The following ARHGEF10 variants were observed in gnomAD, a reference collection of about 807,000 sequenced individuals.
ARHGEF10 encodes Rho guanine nucleotide exchange factor 10.
ARHGEF10 carries 140 observed loss-of-function variants against 147.4 expected under a neutral mutation model. The observed-to-expected ratio is 0.95, with a 90% CI of 0.83 to 1.09. The LOEUF (loss-of-function observed/expected upper bound fraction) is 1.09, where lower values mean the gene tolerates loss of function less well. Among genes scored for constraint, ARHGEF10 ranks in the 50% least tolerant of loss-of-function variants. The probability of loss-of-function intolerance (pLI) is 0.00; values close to 1 mark genes in which losing one functional copy is unlikely to be tolerated. For missense variants in ARHGEF10, 2,222 were observed against 1,752.7 expected (o/e 1.27, Z -4.78); for synonymous variants, 902 against 695.8 (o/e 1.30, Z -4.67).
intron 4 of ARHGEF10, among the ~76,000 whole-genome samples, chr8:1,863,297 C>G (rs1231595209): frequency 6.6e-6 from 1 of 152,224 alleles, no homozygotes; most frequent in African/African-American, 2.4e-5. Context: ...GTGTCTGTTG[C>G]TAGTCAGCAT....
chr8:1,843,249 G>C, intron 1 of ARHGEF10, 104 bp from the exon 2 acceptor site: 1 of 803,472 alleles, frequency 1.2e-6, no homozygotes, highest in Non-Finnish European at 2.1e-6. Context: ...AGTAATGACA[G>C]TTAGCTCTTC....
chr8:1,944,194 G>A (rs1234133951), intron 26 of ARHGEF10, among the ~76,000 whole-genome samples: 4 of 149,958 alleles, frequency 2.7e-5, no homozygotes, highest in Admixed American at 2.6e-4. Flanking sequence ...CTACCTCCCT[G>A]GGGACCCCAG....
chr8:1,930,419 T>G (rs540539246), intron 25 of ARHGEF10, among the ~76,000 whole-genome samples: 1 of 152,332 alleles, frequency 6.6e-6, no homozygotes, highest in Non-Finnish European at 1.5e-5. Flanking sequence ...GCCTTCATTC[T>G]TCCGCTTCTA....
intron 26 of ARHGEF10, among the ~76,000 whole-genome samples, chr8:1,936,948 G>A (rs1813663543): frequency 6.6e-6 from 1 of 152,144 alleles, no homozygotes; most frequent in Non-Finnish European, 1.5e-5. Context: ...GGTTTGGTTA[G>A]GAATGCGAGG....
intron 16 of ARHGEF10, among the ~76,000 whole-genome samples, chr8:1,905,255 T>A (rs936339199): frequency 9.1e-5 from 8 of 87,650 alleles, no homozygotes; most frequent in African/African-American, 5.5e-4. Context: ...ATGGCCTACC[T>A]TTAAGAAGTT....
rs1210861470 is a variant in ARHGEF10, at chr8:1,833,188, A to G, written c.-48+9075A>G. 8.5e-5 allele frequency among the ~76,000 whole-genome samples: 4 copies of G among 47,022 alleles called. No homozygotes were observed. In the South Asian group the frequency reaches 2.1e-3, roughly 25 times the overall value. 30.8% of individuals were successfully genotyped at this position (47,022 alleles called of 152,430 possible). A position where few individuals can be genotyped will look rare whatever the true frequency, so the allele number is the denominator to read the frequency against. On this transcript the variant is annotated intron_variant, in intron 1 of 28. Coordinates refer to ENST00000349830, the MANE Select transcript of ARHGEF10 (RefSeq NM_014629.4). ...GAGACAGAAGCAGAGGGAGGCAGAGACAGAAGCAGAGACAGAGGCAGAGGC... is the reference window on the plus strand; with the variant it reads ...GAGACAGAAGCAGAGGGAGGCAGAGGCAGAAGCAGAGACAGAGGCAGAGGC...
intron 18 of ARHGEF10, among the ~76,000 whole-genome samples, chr8:1,915,350 A>G (rs1378036048): frequency 6.6e-6 from 1 of 152,238 alleles, no homozygotes; most frequent in Non-Finnish European, 1.5e-5. Context: ...AAATGTGTCC[A>G]TGAGTTATTC....
intron 26 of ARHGEF10, among the ~76,000 whole-genome samples, chr8:1,944,284 C>A (rs1035215982): frequency 6.6e-6 from 1 of 152,210 alleles, no homozygotes; most frequent in Non-Finnish European, 1.5e-5. Flanking sequence ...GCCCTGCGTG[C>A]CCAGCCTGAG....
intron 15 of ARHGEF10, among the ~76,000 whole-genome samples, chr8:1,901,475 A>C (rs1351655570): frequency 6.6e-6 from 1 of 152,166 alleles, no homozygotes; most frequent in Non-Finnish European, 1.5e-5. Flanking sequence ...TCTCCCATGG[A>C]TCCAGAAACA....
intron 8 of ARHGEF10, among the ~76,000 whole-genome samples, chr8:1,877,499 A>G (rs1286778324): frequency 6.6e-6 from 1 of 152,202 alleles, no homozygotes; most frequent in Non-Finnish European, 1.5e-5. Context: ...AAGTGCTGGG[A>G]TTGCAGGTGT....
At chr8:1,858,895 CGGTTGTT>C (rs1805832662) in intron 3 of ARHGEF10, 6 of 178,106 alleles carry the variant, frequency 3.4e-5, no homozygotes, top group South Asian at 1.9e-4. Context: ...ACCAGCCTCT[CGGTTGTT>C]TGCATGCCGT....
At chr8:1,893,149 A>G (rs867676820) in intron 11 of ARHGEF10, among the ~76,000 whole-genome samples, 18 of 151,812 alleles carry the variant, frequency 1.2e-4, no homozygotes, top group Admixed American at 5.9e-4. Context: ...TTTTCTTAGA[A>G]CTTTGGAATA....
At chr8:1,899,606 A>G (rs773448899) in intron 15 of ARHGEF10, among the ~76,000 whole-genome samples, 2 of 152,198 alleles carry the variant, frequency 1.3e-5, no homozygotes, top group African/African-American at 4.8e-5. Context: ...GGCTCTTTCC[A>G]TGGTTAGGTT....
intron 18 of ARHGEF10, among the ~76,000 whole-genome samples, chr8:1,912,763 T>A (rs998318969): frequency 6.6e-6 from 1 of 152,076 alleles, no homozygotes; most frequent in African/African-American, 2.4e-5. Flanking sequence ...TATGGATCCA[T>A]GGATTGGTTT....
At chr8:1,883,255 A>G (rs1808371608) in intron 10 of ARHGEF10, among the ~76,000 whole-genome samples, 1 of 152,036 alleles carries the variant, frequency 6.6e-6, no homozygotes, top group Non-Finnish European at 1.5e-5. Flanking sequence ...GGTGGTGTGG[A>G]GGTGTCGTGC....
intron 21 of ARHGEF10, among the ~76,000 whole-genome samples, chr8:1,924,787 T>C (rs771188936): frequency 3.3e-5 from 5 of 152,258 alleles, no homozygotes; most frequent in Non-Finnish European, 5.9e-5. Context: ...CCCTTTCGTC[T>C]TCAGATCAGC....
chr8:1,905,436 G>A, intron 16 of ARHGEF10, 135 bp from the exon 17 acceptor site: 2 of 1,101,978 alleles, frequency 1.8e-6, no homozygotes, highest in Non-Finnish European at 1.4e-6. Flanking sequence ...GCAGTCACGG[G>A]GAACATAGGA....
intron 1 of ARHGEF10, among the ~76,000 whole-genome samples, chr8:1,835,494 G>C (rs865895722): frequency 6.6e-6 from 1 of 152,292 alleles, no homozygotes; most frequent in South Asian, 2.1e-4. Flanking sequence ...TAGAGGCCCT[G>C]GGTCATGGTG....
chr8:1,846,961 G>A (rs899388710), intron 2 of ARHGEF10, among the ~76,000 whole-genome samples: 4 of 152,148 alleles, frequency 2.6e-5, no homozygotes, highest in African/African-American at 7.2e-5. Flanking sequence ...CTCGTTTTTC[G>A]TAAGTGTCCT....
Sources: allele counts gnomAD v4.1 joint callset (sites outside exome capture counted in the v4.1 genomes callset), GRCh38; gene constraint gnomAD v4.1.1; transcripts MANE v1.5; gene names NCBI Gene and HGNC (gene_info 2026-07-23, HGNC 2026-07-21).